The following ACADL variants were observed in gnomAD, a reference collection of about 807,000 sequenced individuals.
ACADL encodes long-chain specific acyl-CoA dehydrogenase, mitochondrial.
ACADL carries 60 observed loss-of-function variants against 56.9 expected under a neutral mutation model. The observed-to-expected ratio is 1.05, with a 90% CI of 0.86 to 1.31. The LOEUF is 1.31. Among genes scored for constraint, ACADL ranks in the 50% most tolerant of loss-of-function variants. The pLI, the probability that ACADL is intolerant of heterozygous loss-of-function variation, is 0.00. For missense variants in ACADL, 484 were observed against 525.5 expected, an observed-to-expected ratio of 0.92 and a Z score of 0.77; for synonymous variants, 158 against 179.7, an observed-to-expected ratio of 0.88 and a Z score of 0.97.
At chr2:210,198,653 A>G (rs1426775997) in intron 8 of ACADL, among the ~76,000 whole-genome samples, 2 of 152,080 alleles carry the variant, frequency 1.3e-5, no homozygotes, top group Non-Finnish European at 1.5e-5. Flanking sequence ...TTCTGGAATT[A>G]GAATATATGT....
At chr2:210,205,297 A>G (rs1009330738) in intron 6 of ACADL, among the ~76,000 whole-genome samples, 1 of 152,166 alleles carries the variant, frequency 6.6e-6, no homozygotes, top group African/African-American at 2.4e-5. Flanking sequence ...AAGTGCTGGG[A>G]TTACAGGTGT....
chr2:210,209,992 G>T, intron 5 of ACADL: 1 of 512,218 alleles, frequency 2.0e-6, no homozygotes, highest in Non-Finnish European at 3.5e-6. Flanking sequence ...ATTAGTGAGG[G>T]GGCATGCAAA....
At chr2:210,220,116 A>G (rs1689149901) in intron 2 of ACADL, among the ~76,000 whole-genome samples, 1 of 152,148 alleles carries the variant, frequency 6.6e-6, no homozygotes, top group African/African-American at 2.4e-5. Flanking sequence ...TTGACTTATG[A>G]TATTTTCAAC....
At chr2:210,216,244 G>A in intron 4 of ACADL, 103 bp downstream of exon 4, 1 of 1,253,392 alleles carries the variant, frequency 8.0e-7, no homozygotes, top group Non-Finnish European at 1.2e-6. Flanking sequence ...GTTCATCTTT[G>A]CCTTCCTCCT....
chr2:210,204,149 G>A (rs1688846138), intron 7 of ACADL, among the ~76,000 whole-genome samples: 2 of 152,152 alleles, frequency 1.3e-5, no homozygotes, highest in South Asian at 4.1e-4. Flanking sequence ...AACCATAGCT[G>A]TTTAGGGACT....
chr2:210,219,306 A>C (rs1266327220), intron 2 of ACADL, among the ~76,000 whole-genome samples: 1 of 152,152 alleles, frequency 6.6e-6, no homozygotes, highest in Non-Finnish European at 1.5e-5. Context: ...TGTCTTTAAG[A>C]AGCTAGTTGA....
chr2:210,188,845 T>G lies in ACADL; in HGVS notation c.*116A>C. ...TATTTATATTTTATTTCCTTCTCTATAGAGAGAGCAGGTAAAAACATGTTT... is the reference window on the plus strand; with the variant it reads ...TATTTATATTTTATTTCCTTCTCTAGAGAGAGAGCAGGTAAAAACATGTTT... On this transcript the variant is annotated 3_prime_UTR_variant, in exon 11 of 11. Coordinates refer to ENST00000233710, the MANE Select transcript of ACADL (RefSeq NM_001608.4). 1.3e-6 allele frequency: 1 copy of G among 770,070 alleles called. No individual in the cohort carries two copies. The highest frequency in any genetic ancestry group is 2.3e-6 in the Non-Finnish European group (1 of 427,094). 47.7% of individuals were successfully genotyped at this position (770,070 alleles called of 1,614,324 possible). A position where few individuals can be genotyped will look rare whatever the true frequency, so the allele number is the denominator to read the frequency against.
intron 8 of ACADL, among the ~76,000 whole-genome samples, chr2:210,197,447 C>T (rs567058295): frequency 4.3e-4 from 65 of 152,084 alleles, no homozygotes; most frequent in Non-Finnish European, 7.1e-4. Context: ...AAGTTTCCCA[C>T]TCCCAACCCA....
intron 3 of ACADL, 193 bp from the exon 4 acceptor site, chr2:210,216,704 T>C (rs1410747970): frequency 5.3e-6 from 3 of 560,984 alleles, no homozygotes; most frequent in Non-Finnish European, 9.4e-6. Flanking sequence ...ACAATAACAG[T>C]GGTCTACCAG....
chr2:210,215,792 A>C (rs565305144), intron 4 of ACADL, among the ~76,000 whole-genome samples: 26 of 152,202 alleles, frequency 1.7e-4, no homozygotes, highest in Admixed American at 9.8e-4. Flanking sequence ...CATTTCCTTC[A>C]CAGTACTTAT....
At chr2:210,195,398 C>A in intron 8 of ACADL, 60 bp from the exon 9 acceptor site, 1 of 1,504,956 alleles carries the variant, frequency 6.6e-7, no homozygotes. Flanking sequence ...AACTTCAACC[C>A]ACTTAACATA....
chr2:210,206,926 C>A (rs1688896909), intron 5 of ACADL, among the ~76,000 whole-genome samples: 1 of 152,124 alleles, frequency 6.6e-6, no homozygotes. Flanking sequence ...GTACTTGCTT[C>A]TGGATAGTTC....
chr2:210,190,859 A>G (rs990102474), intron 10 of ACADL, among the ~76,000 whole-genome samples: 2 of 151,528 alleles, frequency 1.3e-5, no homozygotes, highest in Non-Finnish European at 2.9e-5. Flanking sequence ...ATCAAAATCT[A>G]TACATTACAT....
Position 210,218,228 on chromosome 2 carries a change from C to A in ACADL, c.234-126G>T. 6.7e-6 allele frequency: 6 copies of A among 897,096 alleles called. No homozygotes were observed. In the South Asian group the frequency reaches 9.2e-5, roughly 14 times the overall value. The allele number at this position is 897,096 out of a possible 1,614,324, so 55.6% of individuals were successfully genotyped here. A position where few individuals can be genotyped will look rare whatever the true frequency, so the allele number is the denominator to read the frequency against. ...AATTTAAGGTAGTTATTTACATTAGCCATATGCTTCTATTTGCCTCTGACT... is the reference window on the plus strand; with the variant it reads ...AATTTAAGGTAGTTATTTACATTAGACATATGCTTCTATTTGCCTCTGACT... On this transcript the variant is annotated intron_variant, in intron 2 of 10. Coordinates refer to ENST00000233710, the MANE Select transcript of ACADL (RefSeq NM_001608.4).
At chr2:210,199,446 G>T (rs1688760078) in intron 8 of ACADL, among the ~76,000 whole-genome samples, 1 of 151,920 alleles carries the variant, frequency 6.6e-6, no homozygotes, top group Non-Finnish European at 1.5e-5. Context: ...AATGATTAAA[G>T]TTATTTATTT....
intron 1 of ACADL, chr2:210,224,655 A>G (rs997207438): frequency 1.0e-6 from 1 of 985,676 alleles, no homozygotes; most frequent in Non-Finnish European, 1.2e-6. Context: ...TCGCCAGGTC[A>G]TTTCTAGCCC....
intron 1 of ACADL, chr2:210,224,310 G>T: frequency 1.3e-6 from 1 of 762,268 alleles, no homozygotes; most frequent in Non-Finnish European, 1.6e-6. Flanking sequence ...CTAAAGAAAA[G>T]TCACCTTCTC....
chr2:210,222,508 C>CAAAAAAAA (rs797000679), intron 1 of ACADL, among the ~76,000 whole-genome samples: 26 of 81,032 alleles, frequency 3.2e-4, no homozygotes, highest in South Asian at 8.6e-4. Flanking sequence ...AACAAACAAA[C>CAAAAAAAA]AAAAAAAAAA....
rs200486337 is a variant in ACADL, at chr2:210,207,475, GA to G, written c.604-1680del. ...AGGTCTTCCTGACCTATGAGTCTTT[GA>G]AAATCTTGTTTCTGCTACTTGGGAA... On this transcript the variant is annotated intron_variant, in intron 5 of 10. Coordinates refer to ENST00000233710, the MANE Select transcript of ACADL (RefSeq NM_001608.4). 7.6e-4 allele frequency among the ~76,000 whole-genome samples: 116 copies of G among 152,156 alleles called. 3 individuals carry two copies. In the East Asian group the frequency reaches 0.022, roughly 29 times the overall value.
Sources: allele counts gnomAD v4.1 joint callset (sites outside exome capture counted in the v4.1 genomes callset), GRCh38; gene constraint gnomAD v4.1.1; transcripts MANE v1.5; gene names NCBI Gene and HGNC (gene_info 2026-07-23, HGNC 2026-07-21).